The following KIAA0825 variants were observed in gnomAD, a reference collection of about 807,000 sequenced individuals.
KIAA0825 encodes the protein KIAA0825.
KIAA0825 carries 119 observed loss-of-function variants against 147.6 expected under a neutral mutation model. The observed-to-expected ratio is 0.81, with a 90% confidence interval of 0.69 to 0.94. KIAA0825 has a LOEUF of 0.94. Ranked by LOEUF, KIAA0825 falls within the 40% of genes least tolerant of loss-of-function variation. KIAA0825 has a pLI of 0.00. For synonymous variants in KIAA0825, 470 were observed against 518.1 expected (o/e 0.91, Z 1.26); for missense variants, 1,381 against 1,472.7 (o/e 0.94, Z 1.02).
chr5:94,524,272 A>G (rs187010867), intron 3 of KIAA0825, among the ~76,000 whole-genome samples, 174 bp from the exon 4 acceptor site: 3 of 151,798 alleles, frequency 2.0e-5, no homozygotes, highest in African/African-American at 7.2e-5. Flanking sequence ...GAAAGCTGAG[A>G]GTTCAAATTT....
chr5:94,593,950 A>G, intron 1 of KIAA0825: 1 of 458,514 alleles, frequency 2.2e-6, no homozygotes, highest in South Asian at 1.7e-5. Flanking sequence ...AGTGTGACCC[A>G]AATAAATCCA....
chr5:94,230,492 G>A (rs1774597334), intron 20 of KIAA0825, among the ~76,000 whole-genome samples: 1 of 151,960 alleles, frequency 6.6e-6, no homozygotes, highest in African/African-American at 2.4e-5. Context: ...AGATACTTAG[G>A]TTATAACCTC....
intron 20 of KIAA0825, among the ~76,000 whole-genome samples, chr5:94,273,636 A>T (rs932061248): frequency 1.3e-5 from 2 of 152,228 alleles, no homozygotes; most frequent in African/African-American, 4.8e-5. Context: ...ATTCTTCCTA[A>T]GTTTCCCTAT....
At chr5:94,197,667 G>C (rs1771262008) in intron 20 of KIAA0825, among the ~76,000 whole-genome samples, 1 of 152,140 alleles carries the variant, frequency 6.6e-6, no homozygotes, top group Admixed American at 6.5e-5. Flanking sequence ...GAAAGGAAAG[G>C]ATCTAGTTTC....
At chr5:94,540,914 A>G (rs188475423) in intron 2 of KIAA0825, among the ~76,000 whole-genome samples, 198 of 152,312 alleles carry the variant, frequency 1.3e-3, no homozygotes, top group African/African-American at 4.6e-3. Flanking sequence ...TATGCAAAGA[A>G]GGTTATGAAG....
At chr5:94,474,976 C>A (rs1412702827) in intron 7 of KIAA0825, among the ~76,000 whole-genome samples, 1 of 151,906 alleles carries the variant, frequency 6.6e-6, no homozygotes, top group Non-Finnish European at 1.5e-5. Flanking sequence ...GTAGTCCCAG[C>A]TACTCAGGAG....
At chr5:94,505,258 G>A (rs1029296328) in intron 5 of KIAA0825, among the ~76,000 whole-genome samples, 6 of 151,718 alleles carry the variant, frequency 4.0e-5, no homozygotes, top group Non-Finnish European at 7.4e-5. Context: ...CTACTGGGGA[G>A]GCTGAGGCAT....
intron 20 of KIAA0825, among the ~76,000 whole-genome samples, chr5:94,252,163 C>T (rs1360122782): frequency 2.0e-5 from 3 of 151,972 alleles, no homozygotes; most frequent in African/African-American, 4.8e-5. Context: ...TTTCACTACA[C>T]TCTTAGCACA....
chr5:94,417,028 G>C (rs1753559061), intron 15 of KIAA0825, 173 bp downstream of exon 15: 1 of 528,256 alleles, frequency 1.9e-6, no homozygotes, highest in Non-Finnish European at 3.3e-6. Context: ...AATTTTACAG[G>C]AACCAATAAT....
In KIAA0825 at chr5:94,229,450, A is replaced by G. The variant is rs141378155; in HGVS notation, c.3711-75326T>C. Among the ~76,000 whole-genome samples, 30 of 150,196 alleles carry G rather than the reference A, an allele frequency of 2.0e-4. No homozygotes were observed. In the East Asian group the frequency reaches 4.5e-3, roughly 23 times the overall value. On this transcript the variant is annotated intron_variant, in intron 20 of 20. Coordinates refer to ENST00000682413, the MANE Select transcript of KIAA0825 (RefSeq NM_001145678.3). ...CATTGGTATGGGTCTCTTTTCATGT[A>G]TTGTACAAAGAACTTGGTAAATCCT... is the stretch of plus-strand genomic sequence containing the variant.
intron 15 of KIAA0825, among the ~76,000 whole-genome samples, chr5:94,405,777 C>T (rs1393321092): frequency 6.6e-6 from 1 of 152,094 alleles, no homozygotes; most frequent in African/African-American, 2.4e-5. Flanking sequence ...CAGTGGTATA[C>T]ACAGGACTAG....
intron 20 of KIAA0825, among the ~76,000 whole-genome samples, chr5:94,318,439 T>C (rs1290658857): frequency 6.6e-6 from 1 of 151,920 alleles, no homozygotes; most frequent in Non-Finnish European, 1.5e-5. Context: ...TACGATGAAG[T>C]AGGATAAGGC....
Position 94,190,501 on chromosome 5 carries a change from T to TC in KIAA0825, c.3711-36378_3711-36377insG, listed in dbSNP as rs1444807933. Among the ~76,000 whole-genome samples the TC allele has an allele frequency of 2.0e-3, 302 of 148,858 alleles. 2 individuals are homozygous for TC. Among genetic ancestry groups the TC allele is most frequent in the African/African-American group, 6.9e-3 (284 of 40,872 alleles). On this transcript the variant is annotated intron_variant, in intron 20 of 20. Coordinates refer to ENST00000682413, the MANE Select transcript of KIAA0825 (RefSeq NM_001145678.3). ...CCACCACGCCCAGCTATTTTTTTTTTTTTTTTTTTTTTTGTCTAATACGAT... is the reference window on the plus strand; with the variant it reads ...CCACCACGCCCAGCTATTTTTTTTTTCTTTTTTTTTTTTTGTCTAATACGAT...
At chr5:94,168,925 C>G (rs545017921) in intron 20 of KIAA0825, among the ~76,000 whole-genome samples, 134 of 152,244 alleles carry the variant, frequency 8.8e-4, no homozygotes, top group African/African-American at 3.1e-3. Flanking sequence ...TTAAAAGATA[C>G]TTAAACTGTG....
At chr5:94,306,378 C>T (rs958759540) in intron 20 of KIAA0825, among the ~76,000 whole-genome samples, 13 of 151,688 alleles carry the variant, frequency 8.6e-5, no homozygotes, top group Admixed American at 1.3e-4. Flanking sequence ...AAGATATGCC[C>T]TCATCATTTA....
intron 1 of KIAA0825, among the ~76,000 whole-genome samples, chr5:94,615,064 T>TA (rs570986751): frequency 0.021 from 2,718 of 130,016 alleles, 60 homozygotes; most frequent in African/African-American, 0.055. Context: ...TCATAGCTGG[T>TA]AAAAAAAAAA....
intron 20 of KIAA0825, among the ~76,000 whole-genome samples, chr5:94,255,494 G>T (rs926950140): frequency 6.6e-6 from 1 of 151,916 alleles, no homozygotes; most frequent in Non-Finnish European, 1.5e-5. Context: ...CCTGCACCAC[G>T]CCATCAATGG....
chr5:94,243,120 C>T (rs1775437305), intron 20 of KIAA0825, among the ~76,000 whole-genome samples: 1 of 152,206 alleles, frequency 6.6e-6, no homozygotes, highest in Non-Finnish European at 1.5e-5. Context: ...ATTATCACCC[C>T]ATGGGTTGTG....
intron 20 of KIAA0825, among the ~76,000 whole-genome samples, chr5:94,321,230 G>A (rs575903518): frequency 2.6e-4 from 39 of 151,900 alleles, no homozygotes; most frequent in Non-Finnish European, 5.4e-4. Flanking sequence ...GCTACCTTTT[G>A]CACAAATACT....
Sources: allele counts gnomAD v4.1 joint callset (sites outside exome capture counted in the v4.1 genomes callset), GRCh38; gene constraint gnomAD v4.1.1; transcripts MANE v1.5; gene names NCBI Gene and HGNC (gene_info 2026-07-23, HGNC 2026-07-21).